ACOT11: variants seen among roughly 807,000 people sequenced by gnomAD.
The protein encoded by ACOT11 is acyl-CoA thioesterase 11, also known as acyl-coenzyme A thioesterase 11.
ACOT11 carries 69 observed loss-of-function variants against 77.5 expected under a neutral mutation model. The ratio of observed to expected loss-of-function variants is 0.89; its 90% CI spans 0.73 to 1.09. The LOEUF is 1.09. ACOT11 is among the 50% of genes least tolerant of loss of function. ACOT11 has a pLI of 0.00. For missense variants in ACOT11, 766 were observed against 813.7 expected, an observed-to-expected ratio of 0.94 and a Z score of 0.71; for synonymous variants, 279 against 313.0, an observed-to-expected ratio of 0.89 and a Z score of 1.15.
intron 6 of ACOT11, among the ~76,000 whole-genome samples, chr1:54,596,010 T>A (rs180746708): frequency 5.1e-4 from 77 of 152,252 alleles, no homozygotes; most frequent in Non-Finnish European, 9.1e-4. Context: ...CTTCCTACAG[T>A]CATCAAGGCC....
chr1:54,592,568 A>G lies in ACOT11; in HGVS notation c.334A>G (p.Lys112Glu), dbSNP rs1348455996. The G allele has an allele frequency of 1.9e-6, 3 of 1,613,030 alleles. No individual in the cohort carries two copies. Among genetic ancestry groups the G allele is most frequent in the Non-Finnish European group, 2.5e-6 (3 of 1,179,516 alleles). Residue 112 changes from lysine to glutamate, a missense_variant, in exon 4 of 16, where the codon AAG becomes GAG. By Grantham distance (56) the Lys-to-Glu change is moderately conservative. Transcript: ENST00000343744. Reference sequence around the variant, plus strand: ...CAGTGTTGGACAAGTGGTGAATATCAAGGCCAAGGTGAACCGGGCCTTCAA... The same window carrying G: ...CAGTGTTGGACAAGTGGTGAATATCGAGGCCAAGGTGAACCGGGCCTTCAA... ...TISVGQVVNI[K>E]AKVNRAFNSS...
intron 1 of ACOT11, among the ~76,000 whole-genome samples, chr1:54,581,411 G>A (rs370769569): frequency 6.6e-6 from 1 of 152,128 alleles, no homozygotes; most frequent in African/African-American, 2.4e-5. Context: ...ATTGGCCCCC[G>A]CAGCTGGGTG....
intron 7 of ACOT11, chr1:54,597,642 A>G: frequency 3.4e-6 from 2 of 587,326 alleles, no homozygotes; most frequent in Non-Finnish European, 5.9e-6. Context: ...GCCTGGCACT[A>G]GATCCTCCCC....
At chr1:54,610,884 C>T, downstream of ACOT11, 3 of 985,374 alleles carry the variant, frequency 3.0e-6, no homozygotes, top group Non-Finnish European at 3.6e-6. Context: ...TTAACTGCGG[C>T]TCTTCTGGGT....
chr1:54,571,710 T>TG lies in ACOT11; in HGVS notation c.34-12942dup, dbSNP rs553206210. Among the ~76,000 whole-genome samples, 492 of 152,276 alleles carry TG rather than the reference T, an allele frequency of 3.2e-3. 1 individual carries two copies. The highest frequency in any genetic ancestry group is 0.011 in the African/African-American group (447 of 41,558). On this transcript the variant is annotated intron_variant, in intron 1 of 15. Coordinates refer to ENST00000343744, the MANE Select transcript of ACOT11 (RefSeq NM_147161.4). ...TCAGGAATGTTTTCTTGAACACTCC[T>TG]GGGAAAATGAAAATGTTGTTATGTT...
At chr1:54,563,833 CG>C (rs1006304126) in intron 1 of ACOT11, among the ~76,000 whole-genome samples, 2 of 151,844 alleles carry the variant, frequency 1.3e-5, no homozygotes, top group Admixed American at 6.6e-5. Flanking sequence ...GCTGAGGGAG[CG>C]GGGGGCGGAT....
intron 3 of ACOT11, among the ~76,000 whole-genome samples, chr1:54,591,229 T>C (rs1654702015): frequency 6.6e-6 from 1 of 152,190 alleles, no homozygotes; most frequent in Non-Finnish European, 1.5e-5. Flanking sequence ...TTGTGGTATT[T>C]ATTGAGCTCC....
chr1:54,559,768 C>T (rs1653400818), intron 1 of ACOT11, among the ~76,000 whole-genome samples: 1 of 152,182 alleles, frequency 6.6e-6, no homozygotes, highest in Non-Finnish European at 1.5e-5. Flanking sequence ...TCTGGCTTTA[C>T]AAGTTAGAAA....
intron 6 of ACOT11, among the ~76,000 whole-genome samples, chr1:54,595,480 A>T (rs1654867421): frequency 2.0e-5 from 3 of 152,208 alleles, no homozygotes; most frequent in Non-Finnish European, 2.9e-5. Flanking sequence ...AAGATAAAAT[A>T]AAAAGCAAGA....
At chr1:54,613,619 A>T (rs1344772640), downstream of ACOT11, among the ~76,000 whole-genome samples, 1 of 152,052 alleles carries the variant, frequency 6.6e-6, no homozygotes, top group Non-Finnish European at 1.5e-5. Flanking sequence ...CCTTGATGAA[A>T]ATATTTTAGT....
rs1553161035 is a variant in ACOT11, at chr1:54,554,333, GTA to G, written c.33+6009_33+6010del. Among the ~76,000 whole-genome samples the G allele has an allele frequency of 2.6e-3, 249 of 96,372 alleles. 1 individual carries two copies. The highest frequency in any genetic ancestry group is 5.3e-3 in the East Asian group (18 of 3,366). 63.2% of individuals were successfully genotyped at this position (96,372 alleles called of 152,430 possible). ...TGTGTGTGTGTGTGTGTGTGTGTGT[GTA>G]TATATATATATATATATTTTTTTTT... On this transcript the variant is annotated intron_variant, in intron 1 of 15. Transcript: ENST00000343744.
chr1:54,584,603 C>A lies in ACOT11; in HGVS notation c.34-52C>A. On this transcript the variant is annotated intron_variant, in intron 1 of 15. Coordinates refer to ENST00000343744, the MANE Select transcript of ACOT11 (RefSeq NM_147161.4). The surrounding 1 kb of genome is among the most constrained non-coding windows in gnomAD (Gnocchi z 6.3). Reference sequence around the variant, plus strand: ...CTCAGGGCTGGACAGACCTGGGAGACCCTGCAGCAAGCAGACCTCTCTGTC... The same window carrying A: ...CTCAGGGCTGGACAGACCTGGGAGAACCTGCAGCAAGCAGACCTCTCTGTC... The A allele has an allele frequency of 6.4e-7, 1 of 1,552,108 alleles. No homozygotes were observed. The highest frequency in any genetic ancestry group is 8.8e-7 in the Non-Finnish European group (1 of 1,137,300).
intron 5 of ACOT11, 138 bp from the exon 6 acceptor site, chr1:54,594,418 G>C (rs573298219): frequency 1.7e-6 from 2 of 1,172,244 alleles, no homozygotes; most frequent in Non-Finnish European, 2.4e-6. Flanking sequence ...GGCAAAGAGG[G>C]AGGAAGCCTT....
In ACOT11 at chr1:54,630,087, G is replaced by A. The variant is rs1306033162; in HGVS notation, c.1630-647G>A. ...GCTATTTTTTTGTATTTTTAGTAGAGACGAGGTTTCACCATGTTGACCAGG... is the reference window on the plus strand; with the variant it reads ...GCTATTTTTTTGTATTTTTAGTAGAAACGAGGTTTCACCATGTTGACCAGG... On this transcript the variant is annotated intron_variant, in intron 15 of 16. Transcript: ENST00000371316. 5.3e-5 allele frequency among the ~76,000 whole-genome samples: 7 copies of A among 133,150 alleles called. 2 individuals carry two copies. Among genetic ancestry groups the A allele is most frequent in the Non-Finnish European group, 1.2e-4 (7 of 58,744 alleles). The allele number at this position is 133,150 out of a possible 152,430, so 87.4% of individuals were successfully genotyped here.
At chr1:54,615,543 T>C (rs866776857) in intron 15 of ACOT11, among the ~76,000 whole-genome samples, 2 of 151,898 alleles carry the variant, frequency 1.3e-5, no homozygotes, top group East Asian at 3.9e-4. Flanking sequence ...CCTGGAGAGA[T>C]ACAGTGTTGC....
intron 1 of ACOT11, among the ~76,000 whole-genome samples, chr1:54,554,193 C>CA (rs534129543): frequency 0.17 from 23,899 of 137,662 alleles, 2,383 homozygotes; most frequent in Non-Finnish European, 0.23. Context: ...CAAAAGAAAA[C>CA]AAAAAAAAAA....
chr1:54,558,900 T>C (rs1311344489), intron 1 of ACOT11, among the ~76,000 whole-genome samples: 1 of 152,150 alleles, frequency 6.6e-6, no homozygotes, highest in African/African-American at 2.4e-5. Flanking sequence ...AGTGCCAAGA[T>C]ATGCAGTTCC....
At chr1:54,589,338 T>TTG (rs1553163551) in intron 3 of ACOT11, among the ~76,000 whole-genome samples, 5,576 of 146,664 alleles carry the variant, frequency 0.038, 256 homozygotes, top group East Asian at 0.16. Flanking sequence ...TTTTTTTTTT[T>TTG]AGAGAAGGAT....
At chr1:54,585,484 A>G (rs527846240) in intron 2 of ACOT11, among the ~76,000 whole-genome samples, 15 of 152,316 alleles carry the variant, frequency 9.8e-5, no homozygotes, top group African/African-American at 3.1e-4. Flanking sequence ...GAAGCAGGCC[A>G]GTGTGGTGTG....
Sources: gnomAD v4.1 joint callset for allele counts (sites outside exome capture counted in the v4.1 genomes callset) on GRCh38, gnomAD v4.1.1 for gene constraint, Gnocchi (gnomAD v3.1) non-coding constraint, MANE v1.5 for transcripts, NCBI Gene and HGNC (gene_info 2026-07-23, HGNC 2026-07-21) for gene names.